RPH3A: variants seen among roughly 807,000 people sequenced by gnomAD.
RPH3A encodes rabphilin-3A.
A neutral mutation model predicts 102.2 loss-of-function variants in RPH3A; 48 were observed. The ratio of observed to expected loss-of-function variants is 0.47; its 90% CI spans 0.37 to 0.60. The LOEUF is 0.60. Among genes scored for constraint, RPH3A ranks in the 20% least tolerant of loss-of-function variants. RPH3A has a pLI of 0.00. For missense variants in RPH3A, 781 were observed against 910.1 expected (o/e 0.86, Z 1.83); for synonymous variants, 310 against 324.3 (o/e 0.96, Z 0.47).
rs535479092 is a variant in RPH3A at position 112,649,632 on chromosome 12, C to T, written c.-140+74313C>T. ...GGTGCTCATATTTTGAGGAATACTG[C>T]ATTTGACTATAAGCTCCAGGAAGGC... On this transcript the variant is annotated intron_variant, in intron 1 of 21. Coordinates refer to the RPH3A transcript ENST00000543106. 8.3e-4 allele frequency among the ~76,000 whole-genome samples: 127 copies of T among 152,216 alleles called. 2 individuals carry two copies. The highest frequency in any genetic ancestry group is 1.6e-3 in the Non-Finnish European group (107 of 68,036).
intron 1 of RPH3A, among the ~76,000 whole-genome samples, chr12:112,775,948 A>T (rs2040962794): frequency 6.6e-6 from 1 of 151,902 alleles, no homozygotes; most frequent in Non-Finnish European, 1.5e-5. Context: ...TAAAGCAGGG[A>T]TTATGTTAAA....
chr12:112,689,254 G>A (rs78550051), intron 1 of RPH3A, among the ~76,000 whole-genome samples: 6,444 of 152,278 alleles, frequency 0.042, 184 homozygotes, highest in Middle Eastern at 0.099. Flanking sequence ...GGTGGGGACT[G>A]TGGTGAACAG....
intron 1 of RPH3A, among the ~76,000 whole-genome samples, chr12:112,691,182 G>T (rs984935162): frequency 1.3e-5 from 2 of 152,102 alleles, no homozygotes; most frequent in South Asian, 2.1e-4. Context: ...CCGCCACCAC[G>T]CCCGGCTAAT....
chr12:112,671,766 CAG>C (rs1175328080), intron 1 of RPH3A, among the ~76,000 whole-genome samples: 1 of 151,874 alleles, frequency 6.6e-6, no homozygotes, highest in African/African-American at 2.4e-5. Flanking sequence ...TACAGAGTAG[CAG>C]AGAGTACATG....
upstream of RPH3A, among the ~76,000 whole-genome samples, chr12:112,789,418 G>A (rs1463504299): frequency 1.3e-5 from 2 of 152,144 alleles, no homozygotes; most frequent in Non-Finnish European, 2.9e-5. Flanking sequence ...CTTGTAGAAT[G>A]CATTTGAAAT....
At chr12:112,812,816 C>T (rs1024975343) in intron 2 of RPH3A, among the ~76,000 whole-genome samples, 2 of 152,206 alleles carry the variant, frequency 1.3e-5, no homozygotes, top group African/African-American at 2.4e-5. Flanking sequence ...TGAACTACAG[C>T]TCTGGCCTTC....
At chr12:112,824,597 C>T (rs570578336) in intron 2 of RPH3A, among the ~76,000 whole-genome samples, 264 of 152,270 alleles carry the variant, frequency 1.7e-3, no homozygotes, top group South Asian at 0.013. Context: ...TGAACATTTT[C>T]CTCTTCTGGT....
chr12:112,889,409 G>A (rs956399078), intron 17 of RPH3A, among the ~76,000 whole-genome samples: 1 of 152,242 alleles, frequency 6.6e-6, no homozygotes, highest in Non-Finnish European at 1.5e-5. Flanking sequence ...GGCTGCAGCA[G>A]CCGCAGAACA....
chr12:112,790,067 T>C (rs1464582198), upstream of RPH3A, among the ~76,000 whole-genome samples: 1 of 151,906 alleles, frequency 6.6e-6, no homozygotes, highest in Admixed American at 6.6e-5. Context: ...TTTTTCTTTT[T>C]TTTTTTGAGA....
At chr12:112,715,361 A>T (rs2040506047) in intron 1 of RPH3A, among the ~76,000 whole-genome samples, 1 of 152,094 alleles carries the variant, frequency 6.6e-6, no homozygotes, top group Non-Finnish European at 1.5e-5. Flanking sequence ...TCCTCAAGGT[A>T]CTTACTGCTG....
intron 1 of RPH3A, among the ~76,000 whole-genome samples, chr12:112,597,696 G>C (rs537091860): frequency 5.9e-5 from 9 of 152,220 alleles, no homozygotes; most frequent in African/African-American, 2.2e-4. Flanking sequence ...ACTTCCACTT[G>C]TGTCAGGAAG....
At chr12:112,892,582 G>C (rs552926140) in intron 19 of RPH3A, among the ~76,000 whole-genome samples, 1 of 152,320 alleles carries the variant, frequency 6.6e-6, no homozygotes, top group African/African-American at 2.4e-5. Flanking sequence ...TATTGGCTAA[G>C]AACACTTGTG....
At chr12:112,853,750 C>T (rs1028660968) in intron 5 of RPH3A, among the ~76,000 whole-genome samples, 2 of 151,820 alleles carry the variant, frequency 1.3e-5, no homozygotes, top group African/African-American at 4.8e-5. Flanking sequence ...AATCATTTAA[C>T]TCAGGAAGCA....
intron 2 of RPH3A, among the ~76,000 whole-genome samples, chr12:112,810,240 G>A (rs2041546410): frequency 6.6e-6 from 1 of 152,120 alleles, no homozygotes; most frequent in African/African-American, 2.4e-5. Flanking sequence ...TTTGAAAGAT[G>A]GGAACCCTCC....
chr12:112,880,944 C>A (rs1593122383), intron 14 of RPH3A, among the ~76,000 whole-genome samples: 1 of 152,202 alleles, frequency 6.6e-6, no homozygotes, highest in East Asian at 1.9e-4. Context: ...TCATGGTCTT[C>A]ATGTTGAGTA....
intron 2 of RPH3A, among the ~76,000 whole-genome samples, chr12:112,815,782 A>AGT (rs1455248730): frequency 6.6e-6 from 1 of 152,204 alleles, no homozygotes; most frequent in Admixed American, 6.5e-5. Flanking sequence ...GTGTGGGGCC[A>AGT]GTGTGTCTGT....
intron 4 of RPH3A, among the ~76,000 whole-genome samples, chr12:112,837,327 T>G (rs111261862): frequency 0.021 from 3,261 of 152,240 alleles, 87 homozygotes; most frequent in African/African-American, 0.064. Context: ...CAGGAAAGCT[T>G]TATCAACTGT....
intron 2 of RPH3A, among the ~76,000 whole-genome samples, chr12:112,811,538 C>A (rs7139089): frequency 0.098 from 14,634 of 148,802 alleles, 2,194 homozygotes; most frequent in African/African-American, 0.33. Context: ...ACCCCCCCCC[C>A]AAAAAAAAGA....
chr12:112,716,949 C>T (rs2040517271), intron 1 of RPH3A, among the ~76,000 whole-genome samples: 1 of 152,104 alleles, frequency 6.6e-6, no homozygotes, highest in Non-Finnish European at 1.5e-5. Context: ...TGGAGCTTTG[C>T]CTGGAGTAAG....
Sources: allele counts gnomAD v4.1 joint callset (sites outside exome capture counted in the v4.1 genomes callset), GRCh38; gene constraint gnomAD v4.1.1; transcripts MANE v1.5; gene names NCBI Gene and HGNC (gene_info 2026-07-23, HGNC 2026-07-21).